MGAT4C: variants seen among roughly 807,000 people sequenced by gnomAD.
MGAT4C encodes alpha-1,3-mannosyl-glycoprotein 4-beta-N-acetylglucosaminyltransferase C.
Under a neutral mutation model 40.1 loss-of-function variants are expected in MGAT4C, and 19 were observed. The ratio of observed to expected loss-of-function variants is 0.47; its 90% confidence interval spans 0.33 to 0.70. MGAT4C has a LOEUF of 0.70. MGAT4C is among the 30% of genes least tolerant of loss of function. The pLI, the probability that MGAT4C is intolerant of heterozygous loss-of-function variation, is 0.02. For synonymous variants in MGAT4C, 181 were observed against 187.1 expected (o/e 0.97, Z 0.27); for missense variants, 491 against 563.2 (o/e 0.87, Z 1.30).
chr12:86,015,911 T>C (rs1889041785), intron 2 of MGAT4C: 2 of 152,266 alleles, frequency 1.3e-5, no homozygotes, highest in Non-Finnish European at 2.9e-5. Flanking sequence ...TGGTAGTAAG[T>C]ATACAATTCC....
chr12:86,680,408 A>G (rs10858461), intron 2 of MGAT4C, among the ~76,000 whole-genome samples: 21,063 of 151,934 alleles, frequency 0.14, 1,916 homozygotes, highest in East Asian at 0.38. Flanking sequence ...AGAGAGAGAA[A>G]AAAATGACTT....
At chr12:86,700,255 C>T (rs73407963) in intron 2 of MGAT4C, among the ~76,000 whole-genome samples, 7,141 of 151,872 alleles carry the variant, frequency 0.047, 203 homozygotes, top group Non-Finnish European at 0.062. Context: ...TTCTGGCAGC[C>T]TAGGTCATCA....
chr12:86,148,436 C>A (rs774186212), intron 1 of MGAT4C, among the ~76,000 whole-genome samples: 1 of 152,174 alleles, frequency 6.6e-6, no homozygotes, highest in Non-Finnish European at 1.5e-5. Flanking sequence ...CCTGATTGGC[C>A]ACTTGCATTC....
intron 1 of MGAT4C, among the ~76,000 whole-genome samples, chr12:86,732,744 T>A (rs1429757107): frequency 1.3e-5 from 2 of 151,352 alleles, no homozygotes; most frequent in African/African-American, 2.4e-5. Context: ...TAACAGGCCA[T>A]GGACCAGTAT....
intron 2 of MGAT4C, among the ~76,000 whole-genome samples, chr12:86,721,862 G>A (rs565886531): frequency 6.6e-6 from 1 of 152,036 alleles, no homozygotes; most frequent in Non-Finnish European, 1.5e-5. Context: ...ATCTAATACT[G>A]TATGTTTTAA....
chr12:86,454,675 T>C (rs1383375006), intron 2 of MGAT4C, among the ~76,000 whole-genome samples: 1 of 152,164 alleles, frequency 6.6e-6, no homozygotes, highest in Non-Finnish European at 1.5e-5. Context: ...AAATATTTAT[T>C]GAATACCTAC....
At chr12:86,304,786 G>A (rs1953894450) in intron 4 of MGAT4C, among the ~76,000 whole-genome samples, 1 of 150,694 alleles carries the variant, frequency 6.6e-6, no homozygotes, top group Non-Finnish European at 1.5e-5. Context: ...CATGAGAGGA[G>A]AACGCCATAT....
chr12:85,998,071 A>T (rs1215028511), intron 2 of MGAT4C, among the ~76,000 whole-genome samples: 1 of 152,216 alleles, frequency 6.6e-6, no homozygotes, highest in African/African-American at 2.4e-5. Context: ...AGAGGTTCCC[A>T]AACCCTGATT....
intron 1 of MGAT4C, among the ~76,000 whole-genome samples, chr12:86,199,485 C>T (rs61948993): frequency 0.067 from 10,257 of 151,986 alleles, 493 homozygotes; most frequent in Middle Eastern, 0.21. Context: ...TATTTTATTT[C>T]CTCATTCATA....
At chr12:86,661,922 G>C (rs1233608150) in intron 2 of MGAT4C, among the ~76,000 whole-genome samples, 1 of 152,082 alleles carries the variant, frequency 6.6e-6, no homozygotes, top group Non-Finnish European at 1.5e-5. Context: ...GGGCAACAGA[G>C]GAAGACTCCA....
chr12:86,482,784 C>T lies in MGAT4C; in HGVS notation c.-228-47519G>A, dbSNP rs1052625147. On this transcript the variant is annotated intron_variant, in intron 2 of 7. Coordinates refer to the MGAT4C transcript ENST00000548651. ...AATGAAATTATAGTCATATATGATA[C>T]AACGCATAATTTTCTTTAGGTCACA... Among the ~76,000 whole-genome samples the T allele has an allele frequency of 5.3e-4, 80 of 152,098 alleles. 1 individual carries two copies. Among genetic ancestry groups the T allele is most frequent in the African/African-American group, 1.8e-3 (74 of 41,428 alleles).
At chr12:86,204,261 A>G (rs1477811647) in intron 1 of MGAT4C, among the ~76,000 whole-genome samples, 2 of 151,934 alleles carry the variant, frequency 1.3e-5, no homozygotes, top group African/African-American at 4.8e-5. Flanking sequence ...ATAAGAAAAA[A>G]ATGGAAAAGA....
intron 1 of MGAT4C, among the ~76,000 whole-genome samples, chr12:86,790,810 T>C (rs914449908): frequency 9.2e-5 from 14 of 152,038 alleles, no homozygotes; most frequent in Non-Finnish European, 1.9e-4. Context: ...CTGACCCTAA[T>C]CCTAACTCTA....
At chr12:86,239,038 T>A (rs1400617141) in intron 1 of MGAT4C, among the ~76,000 whole-genome samples, 1 of 152,060 alleles carries the variant, frequency 6.6e-6, no homozygotes, top group African/African-American at 2.4e-5. Context: ...TTAAGATCCG[T>A]TCTGCAAAAA....
At chr12:86,801,742 A>C (rs1593220317) in intron 1 of MGAT4C, among the ~76,000 whole-genome samples, 1 of 151,838 alleles carries the variant, frequency 6.6e-6, no homozygotes, top group East Asian at 1.9e-4. Flanking sequence ...GAATGGAATT[A>C]TTTTCCCATT....
intron 2 of MGAT4C, among the ~76,000 whole-genome samples, chr12:86,690,707 G>T (rs545942826): frequency 6.6e-6 from 1 of 152,140 alleles, no homozygotes; most frequent in African/African-American, 2.4e-5. Context: ...CTTCTGCTTT[G>T]GTCTCACTAG....
At chr12:86,394,889 TA>T (rs1956229329) in intron 3 of MGAT4C, among the ~76,000 whole-genome samples, 2 of 151,878 alleles carry the variant, frequency 1.3e-5, no homozygotes, top group South Asian at 4.1e-4. Flanking sequence ...GTGCTGGGAA[TA>T]CAGGTGTGAG....
chr12:86,269,271 G>C (rs1253030507), intron 4 of MGAT4C, among the ~76,000 whole-genome samples: 2 of 150,824 alleles, frequency 1.3e-5, no homozygotes, highest in Non-Finnish European at 3.0e-5. Context: ...CTTTAGATAG[G>C]TCTTACCTCA....
intron 2 of MGAT4C, among the ~76,000 whole-genome samples, chr12:86,628,775 C>G (rs542602357): frequency 6.6e-6 from 1 of 152,274 alleles, no homozygotes; most frequent in African/African-American, 2.4e-5. Flanking sequence ...AAAACCAGTG[C>G]AAGCCACTGC....
Sources: allele counts gnomAD v4.1 joint callset (sites outside exome capture counted in the v4.1 genomes callset), GRCh38; gene constraint gnomAD v4.1.1; transcripts MANE v1.5; gene names NCBI Gene and HGNC (gene_info 2026-07-23, HGNC 2026-07-21).